COL25A1: variants seen among roughly 807,000 people sequenced by gnomAD.
The protein encoded by COL25A1 is collagen alpha-1(XXV) chain.
Under a neutral mutation model 128.4 loss-of-function variants are expected in COL25A1, and 103 were observed. The observed-to-expected ratio is 0.80, with a 90% CI of 0.68 to 0.94. COL25A1 has a LOEUF of 0.94. Ranked by LOEUF, COL25A1 falls within the 40% of genes least tolerant of loss-of-function variation. The pLI, the probability that COL25A1 is intolerant of heterozygous loss-of-function variation, is 0.00. For missense variants in COL25A1, 745 were observed against 840.0 expected (o/e 0.89, Z 1.40); for synonymous variants, 279 against 277.2 (o/e 1.01, Z -0.06).
chr4:109,147,569 C>A (rs139729945), intron 3 of COL25A1, among the ~76,000 whole-genome samples: 2,413 of 152,240 alleles, frequency 0.016, 73 homozygotes, highest in African/African-American at 0.055. Context: ...GTAATCCCAG[C>A]ACTTTGGGAG....
Position 108,821,525 on chromosome 4 carries a change from G to A in COL25A1, c.1846-2196C>T, listed in dbSNP as rs554829616. Among the ~76,000 whole-genome samples the A allele has an allele frequency of 1.6e-4, 25 of 152,304 alleles. No homozygotes were observed. The South Asian group carries it at 5.2e-3, about 32-fold the overall frequency. On this transcript the variant is annotated intron_variant, in intron 35 of 37. Transcript: ENST00000399132. Reference sequence around the variant, plus strand: ...GACTCTTCTTCACATAGGTGTGTCTGAGACCAGGTGTCTTGGGTATTATCA... The same window carrying A: ...GACTCTTCTTCACATAGGTGTGTCTAAGACCAGGTGTCTTGGGTATTATCA...
intron 36 of COL25A1, among the ~76,000 whole-genome samples, chr4:108,818,464 TA>T (rs1199728609): frequency 6.6e-6 from 1 of 152,074 alleles, no homozygotes; most frequent in Non-Finnish European, 1.5e-5. Context: ...ATTTTAAATG[TA>T]AAAAAAGAAC....
At chr4:108,847,349 C>G (rs980836280) in intron 27 of COL25A1, among the ~76,000 whole-genome samples, 1 of 152,082 alleles carries the variant, frequency 6.6e-6, no homozygotes, top group Middle Eastern at 3.4e-3. Context: ...GCTGCACAAA[C>G]CTGTTTATCT....
In COL25A1 at chr4:109,198,735, T is replaced by C. The variant is rs76585216; in HGVS notation, c.367+101848A>G. Among the ~76,000 whole-genome samples the C allele has an allele frequency of 0.011, 1,633 of 152,332 alleles. 60 individuals are homozygous for C. In the South Asian group the frequency reaches 0.14, roughly 13 times the overall value. On this transcript the variant is annotated intron_variant, in intron 3 of 37. Coordinates refer to ENST00000399132, the MANE Select transcript of COL25A1 (RefSeq NM_198721.4). ...AAATCCATAAAATTGCTGCTTCTGT[T>C]ATGCCCACACTTACAATGGTTTAAA...
intron 15 of COL25A1, among the ~76,000 whole-genome samples, chr4:108,897,550 C>T (rs895199256): frequency 2.6e-5 from 4 of 152,164 alleles, no homozygotes; most frequent in Non-Finnish European, 5.9e-5. Flanking sequence ...CATCAGGTTT[C>T]TCCTGTGCAA....
chr4:108,973,748 C>A (rs757475322), intron 8 of COL25A1, among the ~76,000 whole-genome samples: 8 of 152,068 alleles, frequency 5.3e-5, no homozygotes, highest in Non-Finnish European at 1.0e-4. Flanking sequence ...TTGGCACTAC[C>A]AAGGTAACAA....
intron 19 of COL25A1, among the ~76,000 whole-genome samples, chr4:108,876,384 C>T (rs76746052): frequency 7.9e-5 from 12 of 152,008 alleles, no homozygotes; most frequent in Non-Finnish European, 1.2e-4. Context: ...ATGTTCTCCT[C>T]CTTTCCACAT....
At chr4:109,201,875 C>G (rs62324319) in intron 3 of COL25A1, among the ~76,000 whole-genome samples, 1 of 152,142 alleles carries the variant, frequency 6.6e-6, no homozygotes, top group East Asian at 1.9e-4. Context: ...AAATAAAAAC[C>G]ACTTATGTTA....
At chr4:109,008,195 G>T (rs1416807550) in intron 6 of COL25A1, among the ~76,000 whole-genome samples, 1 of 152,108 alleles carries the variant, frequency 6.6e-6, no homozygotes, top group Non-Finnish European at 1.5e-5. Flanking sequence ...TTCACAGCAG[G>T]CCAGGAGTGC....
chr4:109,229,662 G>GA (rs1779036723), intron 3 of COL25A1, among the ~76,000 whole-genome samples: 2 of 152,246 alleles, frequency 1.3e-5, no homozygotes, highest in African/African-American at 4.8e-5. Context: ...AATAAATTCT[G>GA]AAAATGACAC....
intron 3 of COL25A1, among the ~76,000 whole-genome samples, chr4:109,148,203 T>C (rs1288700582): frequency 4.6e-5 from 7 of 152,206 alleles, no homozygotes; most frequent in African/African-American, 1.4e-4. Context: ...TTTATAGTCA[T>C]AGCATCTAGA....
intron 3 of COL25A1, among the ~76,000 whole-genome samples, chr4:109,140,083 T>G (rs1217781609): frequency 5.3e-5 from 8 of 152,214 alleles, no homozygotes; most frequent in African/African-American, 1.9e-4. Context: ...TGTTGGACAT[T>G]TGGGTTGGTT....
intron 15 of COL25A1, among the ~76,000 whole-genome samples, chr4:108,897,084 T>C (rs945309258): frequency 6.6e-5 from 10 of 152,172 alleles, no homozygotes; most frequent in Admixed American, 1.3e-4. Context: ...TGAGGCCTTC[T>C]TCATATCATT....
chr4:108,950,506 T>A (rs1749285967), intron 8 of COL25A1, among the ~76,000 whole-genome samples: 1 of 152,150 alleles, frequency 6.6e-6, no homozygotes, highest in African/African-American at 2.4e-5. Flanking sequence ...AACAATACCT[T>A]TCCTTCCTGA....
At chr4:109,042,363 C>T (rs997397038) in intron 5 of COL25A1, among the ~76,000 whole-genome samples, 3 of 152,024 alleles carry the variant, frequency 2.0e-5, no homozygotes, top group Non-Finnish European at 2.9e-5. Flanking sequence ...GACAAATCAG[C>T]GTGCAGGGGC....
chr4:109,101,251 C>T (rs1028869474), intron 3 of COL25A1, among the ~76,000 whole-genome samples: 2 of 152,134 alleles, frequency 1.3e-5, no homozygotes, highest in Admixed American at 6.5e-5. Context: ...GTGATTTCTC[C>T]ATGACAGTAA....
intron 22 of COL25A1, among the ~76,000 whole-genome samples, chr4:108,861,729 C>T (rs185772730): frequency 2.0e-5 from 3 of 152,264 alleles, no homozygotes; most frequent in East Asian, 3.9e-4. Context: ...AGAAGAGATT[C>T]GAACCTGTGT....
chr4:109,145,392 ATAG>A (rs1191533018), intron 3 of COL25A1, among the ~76,000 whole-genome samples: 1 of 152,212 alleles, frequency 6.6e-6, no homozygotes, highest in East Asian at 1.9e-4. Flanking sequence ...CCTAAATGAT[ATAG>A]CCACATTCTG....
intron 6 of COL25A1, among the ~76,000 whole-genome samples, chr4:108,995,961 GAA>G (rs1424681473): frequency 6.6e-6 from 1 of 152,100 alleles, no homozygotes; most frequent in African/African-American, 2.4e-5. Context: ...AAAAGCTCCT[GAA>G]GGAAGCACTA....
Sources: gnomAD v4.1 joint callset for allele counts (sites outside exome capture counted in the v4.1 genomes callset) on GRCh38, gnomAD v4.1.1 for gene constraint, MANE v1.5 for transcripts, NCBI Gene and HGNC (gene_info 2026-07-23, HGNC 2026-07-21) for gene names.